Variants in ADAM10 observed in about 807,000 individuals in gnomAD.
ADAM10 encodes ADAM metallopeptidase domain 10.
In ADAM10, 17 loss-of-function variants were observed where a neutral mutation model predicts 90.1. That is an observed-to-expected ratio of 0.19 (90% CI 0.13 to 0.28). The LOEUF (loss-of-function observed/expected upper bound fraction) is 0.28. ADAM10 is among the 10% of genes least tolerant of loss of function. ADAM10 has a pLI of 1.00. For missense variants in ADAM10, 610 were observed against 914.3 expected, an observed-to-expected ratio of 0.67 and a Z score of 4.29; for synonymous variants, 310 against 298.6, an observed-to-expected ratio of 1.04 and a Z score of -0.40.
At chr15:58,724,700 A>T (rs1438832414) in intron 1 of ADAM10, among the ~76,000 whole-genome samples, 1 of 152,240 alleles carries the variant, frequency 6.6e-6, no homozygotes, top group East Asian at 1.9e-4. Context: ...TTGGCTGACT[A>T]CTGATCTAAG....
chr15:58,626,879 G>C (rs1484857449), intron 10 of ADAM10, among the ~76,000 whole-genome samples: 1 of 151,962 alleles, frequency 6.6e-6, no homozygotes, highest in Non-Finnish European at 1.5e-5. Context: ...AATGAAGAGT[G>C]AATGTAATTG....
intron 2 of ADAM10, among the ~76,000 whole-genome samples, chr15:58,694,987 T>C (rs1897936098): frequency 6.6e-6 from 1 of 152,242 alleles, no homozygotes; most frequent in African/African-American, 2.4e-5. Flanking sequence ...TATATACATT[T>C]GCCAAAATGC....
chr15:58,699,254 A>G (rs1432482165), intron 2 of ADAM10, among the ~76,000 whole-genome samples: 3 of 152,238 alleles, frequency 2.0e-5, no homozygotes, highest in Non-Finnish European at 4.4e-5. Flanking sequence ...AAAAACAGGT[A>G]ATTTGACACA....
chr15:58,702,578 A>T (rs1379864742), intron 2 of ADAM10, among the ~76,000 whole-genome samples: 1 of 152,252 alleles, frequency 6.6e-6, no homozygotes, highest in Non-Finnish European at 1.5e-5. Context: ...CCCCAGAAAC[A>T]TGTACAAGTA....
At chr15:58,651,878 GTTTCCT>G (rs1201536728) in intron 5 of ADAM10, among the ~76,000 whole-genome samples, 3 of 152,112 alleles carry the variant, frequency 2.0e-5, no homozygotes, top group Non-Finnish European at 4.4e-5. Context: ...GTGTGTGGCG[GTTTCCT>G]TTTCCCCACA....
At chr15:58,599,516 C>T in intron 15 of ADAM10, 82 bp downstream of exon 15, 1 of 1,471,284 alleles carries the variant, frequency 6.8e-7, no homozygotes, top group Non-Finnish European at 9.5e-7. Flanking sequence ...ACATTAGTTA[C>T]TACAGACTCA....
At chr15:58,736,104 C>T (rs1313070078) in intron 1 of ADAM10, among the ~76,000 whole-genome samples, 2 of 152,238 alleles carry the variant, frequency 1.3e-5, no homozygotes, top group East Asian at 1.9e-4. Flanking sequence ...TTTCCTCCTA[C>T]TCTAACATGT....
intron 14 of ADAM10, 126 bp from the exon 15 acceptor site, chr15:58,599,850 G>A (rs1895061874): frequency 2.2e-6 from 2 of 915,648 alleles, no homozygotes; most frequent in Non-Finnish European, 1.7e-6. Flanking sequence ...CATTTGTTTA[G>A]GAGTTGTATA....
At chr15:58,643,597 G>T (rs546905348) in intron 7 of ADAM10, among the ~76,000 whole-genome samples, 1 of 152,276 alleles carries the variant, frequency 6.6e-6, no homozygotes, top group South Asian at 2.1e-4. Flanking sequence ...TTATTGAAGG[G>T]TCAGAGCTTT....
chr15:58,732,792 AGTGG>A (rs1899298427), intron 1 of ADAM10: 1 of 154,264 alleles, frequency 6.5e-6, no homozygotes, highest in African/African-American at 2.4e-5. Context: ...GAGAATTCAT[AGTGG>A]AGAAAGGCCT....
At chr15:58,709,698 C>A (rs1471123921) in intron 2 of ADAM10, among the ~76,000 whole-genome samples, 3 of 151,988 alleles carry the variant, frequency 2.0e-5, no homozygotes, top group Non-Finnish European at 4.4e-5. Flanking sequence ...CAAGATTGCA[C>A]CACTGCACTC....
At chr15:58,711,861 T>G (rs1231049845) in intron 2 of ADAM10, among the ~76,000 whole-genome samples, 1 of 152,342 alleles carries the variant, frequency 6.6e-6, no homozygotes, top group Non-Finnish European at 1.5e-5. Context: ...TTCATTTTAC[T>G]TATTTTTTTA....
intron 7 of ADAM10, 92 bp downstream of exon 7, chr15:58,643,794 G>T: frequency 9.5e-7 from 1 of 1,047,746 alleles, no homozygotes; most frequent in Non-Finnish European, 1.5e-6. Context: ...AATTCATAAA[G>T]ATAAAATTAA....
chr15:58,691,338 T>C (rs143230910), intron 2 of ADAM10: 215 of 1,098,014 alleles, frequency 2.0e-4, no homozygotes, highest in Non-Finnish European at 2.6e-4. Context: ...CTGCACACAG[T>C]ACTCATCAAT....
At chr15:58,698,490 C>T (rs900024076) in intron 2 of ADAM10, 11 of 244,458 alleles carry the variant, frequency 4.5e-5, no homozygotes, top group East Asian at 3.0e-4. Flanking sequence ...GTGGGAGGAT[C>T]GCTTCAGCCC....
intron 5 of ADAM10, chr15:58,655,384 T>G (rs998120157): frequency 4.5e-5 from 7 of 153,904 alleles, no homozygotes; most frequent in Admixed American, 1.3e-4. Flanking sequence ...AGCAGGCACA[T>G]GACATGCTGG....
At position 58,597,360 on chromosome 15, in the gene ADAM10, CAA is replaced by C. The variant is rs2140984462; in HGVS notation, c.*185_*186del. ...GGGTTCCTTTTCCACCTCCCACCCC[CAA>C]ATTGGAATTTTCAGGCTTTAAAATT... On this transcript the variant is annotated 3_prime_UTR_variant, in exon 16 of 16. Transcript: ENST00000260408. 6.5e-7 allele frequency: 1 copy of C among 1,541,228 alleles called. No individual in the cohort carries two copies. Among genetic ancestry groups the C allele is most frequent in the Non-Finnish European group, 8.7e-7 (1 of 1,143,072 alleles).
At chr15:58,713,365 C>T (rs1232459867) in intron 2 of ADAM10, among the ~76,000 whole-genome samples, 1 of 152,124 alleles carries the variant, frequency 6.6e-6, no homozygotes, top group Non-Finnish European at 1.5e-5. Context: ...CTCAGCCTCC[C>T]AAAGTGCTGG....
intron 1 of ADAM10, among the ~76,000 whole-genome samples, chr15:58,742,609 C>T (rs1476822620): frequency 1.3e-5 from 2 of 152,230 alleles, no homozygotes; most frequent in Non-Finnish European, 2.9e-5. Context: ...TATCCTAATA[C>T]TAACGCAAAA....
Sources: allele counts gnomAD v4.1 joint callset (sites outside exome capture counted in the v4.1 genomes callset), GRCh38; gene constraint gnomAD v4.1.1; transcripts MANE v1.5; gene names NCBI Gene and HGNC (gene_info 2026-07-23, HGNC 2026-07-21).